Variants in CLCA2 observed in about 807,000 individuals in gnomAD.
CLCA2 encodes the protein calcium-activated chloride channel regulator 2.
CLCA2 carries 85 observed loss-of-function variants against 82.9 expected under a neutral mutation model. The observed-to-expected ratio is 1.03, with a 90% CI of 0.86 to 1.23. The LOEUF (loss-of-function observed/expected upper bound fraction) is 1.23, where lower values mean the gene tolerates loss of function less well. Among genes scored for constraint, CLCA2 ranks in the 50% most tolerant of loss-of-function variants. The probability of loss-of-function intolerance (pLI) is 0.00; values close to 1 mark genes in which losing one functional copy is unlikely to be tolerated. For missense variants in CLCA2, 1,089 were observed against 1,124.8 expected (o/e 0.97, Z 0.45); for synonymous variants, 421 against 391.7 (o/e 1.07, Z -0.88).
intron 13 of CLCA2, 77 bp downstream of exon 13, chr1:86,453,679 GA>G: frequency 6.5e-6 from 8 of 1,239,952 alleles, no homozygotes; most frequent in Admixed American, 2.0e-5. Flanking sequence ...TAGTAGAACT[GA>G]AAAAGGTACA....
In CLCA2 at chr1:86,443,810, C is replaced by A. The variant is rs2390059; in HGVS notation, c.1512C>A (p.Val504=). 27 of 1,613,588 alleles carry A rather than the reference C, an allele frequency of 1.7e-5. No homozygotes were observed. Among genetic ancestry groups the A allele is most frequent in the Non-Finnish European group, 2.3e-5 (27 of 1,179,698 alleles). ...HIQLESTGEN[V]KPHHQLKNTV... ...AGCTTGAAAGTACAGGTGAAAATGT[C>A]AAACCTCACCATCAATTGAAAAACA... is the stretch of plus-strand genomic sequence containing the variant. The change falls in exon 10 of 14, where the codon GTC becomes GTA. Residue 504 remains valine, a synonymous_variant. Coordinates refer to ENST00000370565, the MANE Select transcript of CLCA2 (RefSeq NM_006536.7).
chr1:86,450,420 C>T, intron 11 of CLCA2, 143 bp from the exon 12 acceptor site: 1 of 571,516 alleles, frequency 1.7e-6, no homozygotes. Context: ...TTTTTATCAC[C>T]TGAGAATGTA....
Position 86,424,306 on chromosome 1 carries a change from T to A in CLCA2, c.59T>A (p.Val20Asp). Residue 20 changes from valine to aspartate, a missense_variant, in exon 1 of 14, where the codon GTT becomes GAT. By Grantham distance (152) the Val-to-Asp change is radical (BLOSUM62 -3). Transcript: ENST00000370565. Reference protein sequence around the residue: ...ICNLKFVTLLVALSSELPFLG... With the variant: ...ICNLKFVTLLDALSSELPFLG... ...AACCTGAAGTTTGTGACTCTCCTGG[T>A]TGCCTTAAGTTCAGAACTCCCATTC... The A allele has an allele frequency of 6.2e-7, 1 of 1,613,972 alleles. No homozygotes were observed. The highest frequency in any genetic ancestry group is 1.1e-5 in the South Asian group (1 of 91,052).
rs536856995 is a variant in CLCA2 at position 86,434,824 on chromosome 1, T to A, written c.972+79T>A. On this transcript the variant is annotated intron_variant, in intron 6 of 13. Transcript: ENST00000370565. Reference sequence around the variant, plus strand: ...CTTTATTATCTCAATTTATTTTAAGTTCTGGGGTACATGTGCAGGACGTTC... The same window carrying A: ...CTTTATTATCTCAATTTATTTTAAGATCTGGGGTACATGTGCAGGACGTTC... 8 of 1,193,628 alleles carry A rather than the reference T, an allele frequency of 6.7e-6. No individual in the cohort carries two copies. In the South Asian group the frequency reaches 9.4e-5, roughly 14 times the overall value. The allele number at this position is 1,193,628 out of a possible 1,614,324, so 73.9% of individuals were successfully genotyped here.
intron 6 of CLCA2, among the ~76,000 whole-genome samples, chr1:86,437,709 G>A (rs1662642923): frequency 6.6e-6 from 1 of 152,122 alleles, no homozygotes; most frequent in South Asian, 2.1e-4. Context: ...ATATTGAGTT[G>A]ATGGGACCTG....
intron 12 of CLCA2, among the ~76,000 whole-genome samples, chr1:86,453,151 C>T (rs1663008193): frequency 6.6e-6 from 1 of 152,102 alleles, no homozygotes; most frequent in Non-Finnish European, 1.5e-5. Flanking sequence ...CCAGCCTGGA[C>T]AGCAGAGTAA....
chr1:86,454,971 T>C (rs987976527), intron 13 of CLCA2, 114 bp from the exon 14 acceptor site: 18 of 562,918 alleles, frequency 3.2e-5, no homozygotes, highest in Non-Finnish European at 4.8e-5. Context: ...TTTCTCGTTA[T>C]GTTTATTTCT....
intron 9 of CLCA2, among the ~76,000 whole-genome samples, chr1:86,441,943 G>A (rs899535421): frequency 6.6e-6 from 1 of 152,172 alleles, no homozygotes; most frequent in African/African-American, 2.4e-5. Flanking sequence ...TGTATAAGGG[G>A]TATCAACTAT....
At chr1:86,438,796 T>C (rs1662662932) in intron 6 of CLCA2, 80 bp from the exon 7 acceptor site, 1 of 1,129,590 alleles carries the variant, frequency 8.9e-7, no homozygotes, top group African/African-American at 1.5e-5. Flanking sequence ...AGCAGAGATG[T>C]TTGCTAATTG....
intron 12 of CLCA2, among the ~76,000 whole-genome samples, chr1:86,452,747 C>A (rs996592814): frequency 6.6e-6 from 1 of 152,308 alleles, no homozygotes; most frequent in Admixed American, 6.5e-5. Context: ...TCTTTCATAG[C>A]ATCCTGTCTT....
intron 12 of CLCA2, among the ~76,000 whole-genome samples, chr1:86,452,314 C>T (rs537903610): frequency 6.6e-6 from 1 of 151,614 alleles, no homozygotes; most frequent in Non-Finnish European, 1.5e-5. Flanking sequence ...CTCCTCTCCA[C>T]ACCATCTCCC....
chr1:86,443,746 G>T (rs1306655382), intron 9 of CLCA2, 41 bp from the exon 10 acceptor site: 2 of 1,399,862 alleles, frequency 1.4e-6, no homozygotes, highest in East Asian at 4.6e-5. Flanking sequence ...GAATGATTAT[G>T]CATACACCAG....
rs943065579 is a variant in CLCA2, at chr1:86,439,111, A to G, written c.1203+5A>G. The G allele has an allele frequency of 6.2e-7, 1 of 1,612,048 alleles. No homozygotes were observed. The highest frequency in any genetic ancestry group is 8.5e-7 in the Non-Finnish European group (1 of 1,178,152). On this transcript the variant is annotated splice_donor_5th_base_variant and intron_variant, in intron 7 of 13. Transcript: ENST00000370565. ...GGGCTTAAGAAAGGATTTGAGGTAC[A>G]GTAGAGCATCCTAAGCCTTGGATCA... is the stretch of plus-strand genomic sequence containing the variant.
chr1:86,446,079 G>C (rs2101708185), intron 10 of CLCA2, among the ~76,000 whole-genome samples: 1 of 152,252 alleles, frequency 6.6e-6, no homozygotes, highest in African/African-American at 2.4e-5. Context: ...CTTCAGTATA[G>C]AGGATTTCAC....
intron 12 of CLCA2, 76 bp from the exon 13 acceptor site, chr1:86,453,293 C>T: frequency 1.8e-6 from 2 of 1,095,414 alleles, no homozygotes; most frequent in South Asian, 2.9e-5. Flanking sequence ...TTAAGAAAGT[C>T]TCACTGTGTC....
chr1:86,453,459 C>T lies in CLCA2; in HGVS notation c.2246C>T (p.Ser749Phe). Residue 749 changes from serine to phenylalanine, a missense_variant, in exon 13 of 14, where the codon TCC becomes TTC. Physicochemically the swap from Ser to Phe is radical, Grantham distance 155. Transcript: ENST00000370565. ...WGFSRVSSGG[S>F]FSVLGVPAGP... The stretch of plus-strand genomic sequence containing the variant: ...TTTAGCCGAGTCAGCTCAGGAGGCT[C>T]CTTTTCAGTGCTGGGAGTTCCAGCT... 1 of 1,614,092 alleles carries T rather than the reference C, an allele frequency of 6.2e-7. No individual in the cohort carries two copies. The highest frequency in any genetic ancestry group is 8.5e-7 in the Non-Finnish European group (1 of 1,180,018).
chr1:86,424,575 A>G (rs573218919), intron 1 of CLCA2, 142 bp downstream of exon 1: 2 of 649,120 alleles, frequency 3.1e-6, no homozygotes, highest in Admixed American at 3.5e-5. Flanking sequence ...CAACGTTATG[A>G]TTATGGCTAA....
At chr1:86,428,680 A>C in intron 3 of CLCA2, 112 bp downstream of exon 3, 1 of 1,263,480 alleles carries the variant, frequency 7.9e-7, no homozygotes, top group Non-Finnish European at 1.1e-6. Flanking sequence ...AGGACTTACC[A>C]CTCAAAGGGG....
At chr1:86,444,635 A>G (rs1353082769) in intron 10 of CLCA2, among the ~76,000 whole-genome samples, 1 of 152,196 alleles carries the variant, frequency 6.6e-6, no homozygotes, top group African/African-American at 2.4e-5. Context: ...AGAGTAGTTC[A>G]ATAGAGTAGG....
Sources: gnomAD v4.1 joint callset for allele counts (sites outside exome capture counted in the v4.1 genomes callset) on GRCh38, gnomAD v4.1.1 for gene constraint, MANE v1.5 for transcripts, NCBI Gene and HGNC (gene_info 2026-07-23, HGNC 2026-07-21) for gene names.